PLCXD3: variants seen among roughly 807,000 people sequenced by gnomAD.
PLCXD3 encodes phosphatidylinositol specific phospholipase C X domain containing 3.
In PLCXD3, 19 loss-of-function variants were observed where a neutral mutation model predicts 25.5. The observed-to-expected ratio is 0.75, with a 90% CI of 0.52 to 1.09. PLCXD3 has a LOEUF of 1.09. Among genes scored for constraint, PLCXD3 ranks in the 50% least tolerant of loss-of-function variants. PLCXD3 has a pLI of 0.00. For synonymous variants in PLCXD3, 174 were observed against 137.6 expected (o/e 1.26, Z -1.85); for missense variants, 411 against 388.1 (o/e 1.06, Z -0.50).
intron 1 of PLCXD3, among the ~76,000 whole-genome samples, chr5:41,406,946 A>G (rs1746369768): frequency 6.6e-6 from 1 of 150,612 alleles, no homozygotes; most frequent in South Asian, 2.1e-4. Context: ...ACTCGCCTAA[A>G]GGAACTATTT....
At chr5:41,492,032 A>T (rs542303588) in intron 1 of PLCXD3, among the ~76,000 whole-genome samples, 3 of 152,190 alleles carry the variant, frequency 2.0e-5, no homozygotes, top group African/African-American at 7.2e-5. Context: ...CCTAGCCTCG[A>T]TGGTCTTTAC....
At position 41,330,564 on chromosome 5, in the gene PLCXD3, GA is replaced by G. The variant is rs574508450; in HGVS notation, c.813-16795del. 3.6e-4 allele frequency among the ~76,000 whole-genome samples: 55 copies of G among 151,982 alleles called. No individual in the cohort carries two copies. The East Asian group carries it at 6.8e-3, about 19-fold the overall frequency. On this transcript the variant is annotated intron_variant, in intron 2 of 2. Transcript: ENST00000377801. Reference sequence around the variant, plus strand: ...CCTTCTGAAACTATTCCAATCAATAGAAAAAAAGGAATCCTCCCTAACTCAT... The same window carrying G: ...CCTTCTGAAACTATTCCAATCAATAGAAAAAAGGAATCCTCCCTAACTCAT...
Position 41,309,461 on chromosome 5 carries a change from G to A in PLCXD3, c.*4156C>T, listed in dbSNP as rs1743073435. Reference sequence around the variant, plus strand: ...GTTTAGCATATCCTGAGGACACTGTGCATTATTTTCTATTAGCAATTCAAA... The same window carrying A: ...GTTTAGCATATCCTGAGGACACTGTACATTATTTTCTATTAGCAATTCAAA... On this transcript the variant is annotated 3_prime_UTR_variant, in exon 3 of 3. Coordinates refer to ENST00000377801, the MANE Select transcript of PLCXD3 (RefSeq NM_001005473.3). 6.6e-6 allele frequency: 1 copy of A among 152,492 alleles called. No individual in the cohort carries two copies. The highest frequency in any genetic ancestry group is 2.4e-5 in the African/African-American group (1 of 41,416). 9.4% of individuals were successfully genotyped at this position (152,492 alleles called of 1,614,324 possible).
At chr5:41,453,641 T>C (rs979005897) in intron 1 of PLCXD3, among the ~76,000 whole-genome samples, 2 of 152,038 alleles carry the variant, frequency 1.3e-5, no homozygotes, top group African/African-American at 4.8e-5. Flanking sequence ...TAGTTACTTA[T>C]GTTTTATAGA....
chr5:41,410,297 GC>G (rs1746480591), intron 1 of PLCXD3, among the ~76,000 whole-genome samples: 1 of 151,464 alleles, frequency 6.6e-6, no homozygotes, highest in African/African-American at 2.4e-5. Context: ...GCGCCCCCAC[GC>G]CTGGCTAATT....
chr5:41,386,235 A>G (rs1745630773), intron 1 of PLCXD3, among the ~76,000 whole-genome samples: 1 of 152,262 alleles, frequency 6.6e-6, no homozygotes, highest in South Asian at 2.1e-4. Context: ...GGTATGAGAA[A>G]AATTTTAAAG....
At chr5:41,350,615 A>G (rs945960545) in intron 2 of PLCXD3, among the ~76,000 whole-genome samples, 1 of 152,252 alleles carries the variant, frequency 6.6e-6, no homozygotes, top group South Asian at 2.1e-4. Flanking sequence ...ACAATAGGGT[A>G]TTCTGAGCAT....
rs757691615 is a variant in PLCXD3 at position 41,456,598 on chromosome 5, A to G, written c.103+53826T>C. 146 of 837,502 alleles carry G rather than the reference A, an allele frequency of 1.7e-4. 1 individual carries two copies. The highest frequency in any genetic ancestry group is 2.0e-4 in the Non-Finnish European group (142 of 695,536). 51.9% of individuals were successfully genotyped at this position (837,502 alleles called of 1,614,324 possible). On this transcript the variant is annotated intron_variant, in intron 1 of 2. Transcript: ENST00000377801. ...TGTTTGTGTCCCCCCTGACACTCCA[A>G]ATTCATATGTTGAAATCTGTTCCCT...
chr5:41,398,289 T>C (rs532128634), intron 1 of PLCXD3, among the ~76,000 whole-genome samples: 6 of 152,256 alleles, frequency 3.9e-5, no homozygotes, highest in Non-Finnish European at 7.4e-5. Context: ...AGTGAGTGAG[T>C]CCTCATGAGA....
intron 1 of PLCXD3, among the ~76,000 whole-genome samples, chr5:41,473,444 T>TTAA (rs1748209174): frequency 6.6e-6 from 1 of 150,478 alleles, no homozygotes. Flanking sequence ...CCATTACTTT[T>TTAA]TTAATTAATT....
At chr5:41,446,217 A>AGTGAGGGTT (rs1187329493) in intron 1 of PLCXD3, among the ~76,000 whole-genome samples, 1 of 147,212 alleles carries the variant, frequency 6.8e-6, no homozygotes, top group Non-Finnish European at 1.5e-5. Context: ...ACGAGAGAAT[A>AGTGAGGGTT]GTGAGGGTTG....
rs371870385 is a variant in PLCXD3 at position 41,309,943 on chromosome 5, C to T, written c.*3674G>A. 37 of 152,074 alleles carry T rather than the reference C, an allele frequency of 2.4e-4. No homozygotes were observed. Among genetic ancestry groups the T allele is most frequent in the African/African-American group, 8.9e-4 (37 of 41,416 alleles). The allele number at this position is 152,074 out of a possible 1,614,324, so 9.4% of individuals were successfully genotyped here. Reference sequence around the variant, plus strand: ...TTTTAAGAGTTGAAACAGCAATAGACTCAGATTGATTAGAGTGCAGTTTCA... The same window carrying T: ...TTTTAAGAGTTGAAACAGCAATAGATTCAGATTGATTAGAGTGCAGTTTCA... On this transcript the variant is annotated 3_prime_UTR_variant, in exon 3 of 3. Coordinates refer to ENST00000377801, the MANE Select transcript of PLCXD3 (RefSeq NM_001005473.3).
At chr5:41,357,477 A>G (rs1330577300) in intron 2 of PLCXD3, among the ~76,000 whole-genome samples, 1 of 152,226 alleles carries the variant, frequency 6.6e-6, no homozygotes, top group Non-Finnish European at 1.5e-5. Context: ...ATTCTATGAT[A>G]TCTGACCTCC....
intron 2 of PLCXD3, among the ~76,000 whole-genome samples, chr5:41,320,525 C>T (rs1035271366): frequency 3.3e-5 from 5 of 152,174 alleles, no homozygotes; most frequent in Admixed American, 6.5e-5. Context: ...GAGACGGAGT[C>T]TCGCTCTGTC....
At chr5:41,325,269 TA>T (rs1743594172) in intron 2 of PLCXD3, among the ~76,000 whole-genome samples, 2 of 152,200 alleles carry the variant, frequency 1.3e-5, no homozygotes, top group Non-Finnish European at 2.9e-5. Flanking sequence ...CATACGTTCC[TA>T]AAGTCAATAT....
chr5:41,445,208 T>C (rs895454790), intron 1 of PLCXD3, among the ~76,000 whole-genome samples: 1 of 152,188 alleles, frequency 6.6e-6, no homozygotes, highest in Non-Finnish European at 1.5e-5. Context: ...ACTGAATTCA[T>C]AACAAGTCTG....
intron 2 of PLCXD3, among the ~76,000 whole-genome samples, chr5:41,326,086 T>C (rs1580300787): frequency 6.6e-6 from 1 of 152,202 alleles, no homozygotes; most frequent in Non-Finnish European, 1.5e-5. Context: ...TTTCAACATA[T>C]GAATTTGGAG....
At chr5:41,379,317 G>T (rs1745385774) in intron 2 of PLCXD3, among the ~76,000 whole-genome samples, 1 of 152,030 alleles carries the variant, frequency 6.6e-6, no homozygotes, top group Non-Finnish European at 1.5e-5. Flanking sequence ...TGTGAGAAAG[G>T]GGGTAAATTG....
chr5:41,318,615 C>T (rs1290785523), intron 2 of PLCXD3, among the ~76,000 whole-genome samples: 4 of 151,822 alleles, frequency 2.6e-5, no homozygotes, highest in Non-Finnish European at 5.9e-5. Flanking sequence ...AAATAAGAAG[C>T]AATAACTAAA....
Sources: allele counts gnomAD v4.1 joint callset (sites outside exome capture counted in the v4.1 genomes callset), GRCh38; gene constraint gnomAD v4.1.1; transcripts MANE v1.5; gene names NCBI Gene and HGNC (gene_info 2026-07-23, HGNC 2026-07-21).